Variants in R3HDM2 observed in about 807,000 individuals in gnomAD.
R3HDM2 encodes R3H domain-containing protein 2.
R3HDM2 carries 38 observed loss-of-function variants against 124.5 expected under a neutral mutation model. The observed-to-expected ratio is 0.31, with a 90% CI of 0.24 to 0.40. The LOEUF is 0.40. R3HDM2 is among the 10% of genes least tolerant of loss of function. The probability of loss-of-function intolerance (pLI) is 1.00; values close to 1 mark genes in which losing one functional copy is unlikely to be tolerated. For synonymous variants in R3HDM2, 391 were observed against 448.0 expected (o/e 0.87, Z 1.61); for missense variants, 869 against 1,236.9 (o/e 0.70, Z 4.46).
chr12:57,369,033 A>AT (rs2063002383), intron 2 of R3HDM2, among the ~76,000 whole-genome samples: 1 of 152,196 alleles, frequency 6.6e-6, no homozygotes, highest in African/African-American at 2.4e-5. Flanking sequence ...TAATTCTAAT[A>AT]TAGAAGGATT....
intron 19 of R3HDM2, among the ~76,000 whole-genome samples, chr12:57,260,568 G>A (rs1196901387): frequency 2.0e-5 from 3 of 152,114 alleles, no homozygotes; most frequent in African/African-American, 7.2e-5. Context: ...TGGGAGGGAT[G>A]GGCTGGAGCT....
intron 2 of R3HDM2, among the ~76,000 whole-genome samples, chr12:57,394,310 G>T (rs893111498): frequency 6.6e-6 from 1 of 150,932 alleles, no homozygotes; most frequent in Non-Finnish European, 1.5e-5. Flanking sequence ...AAAAAAAAAA[G>T]AAAAGAAATG....
chr12:57,256,552 T>A, intron 21 of R3HDM2, 41 bp from the exon 22 acceptor site: 1 of 1,429,882 alleles, frequency 7.0e-7, no homozygotes, highest in Non-Finnish European at 9.5e-7. Context: ...AGCTTAAGCT[T>A]CATAGTATGA....
chr12:57,429,640 G>C (rs1869152750), intron 1 of R3HDM2, among the ~76,000 whole-genome samples: 1 of 151,984 alleles, frequency 6.6e-6, no homozygotes, highest in East Asian at 1.9e-4. Context: ...TTGAGGCCAG[G>C]AGGCAGAGGT....
intron 1 of R3HDM2, among the ~76,000 whole-genome samples, chr12:57,416,876 C>A (rs2069669339): frequency 6.6e-6 from 1 of 150,844 alleles, no homozygotes; most frequent in South Asian, 2.1e-4. Context: ...CTTTGGGAGG[C>A]CAAGGAGGGC....
At chr12:57,368,355 A>G (rs537908312) in intron 2 of R3HDM2, among the ~76,000 whole-genome samples, 1 of 152,302 alleles carries the variant, frequency 6.6e-6, no homozygotes, top group South Asian at 2.1e-4. Context: ...AAAGAATTTA[A>G]CCTTGCCCAA....
chr12:57,393,103 A>ATTTTT (rs1307066758), intron 2 of R3HDM2, among the ~76,000 whole-genome samples: 1 of 117,686 alleles, frequency 8.5e-6, no homozygotes, highest in Non-Finnish European at 1.8e-5. Flanking sequence ...TGCGCCAGGC[A>ATTTTT]TTTTTTTTTT....
intron 1 of R3HDM2, among the ~76,000 whole-genome samples, chr12:57,408,506 G>A (rs2068728011): frequency 1.3e-5 from 2 of 152,144 alleles, no homozygotes; most frequent in Admixed American, 6.5e-5. Context: ...CAAGACAGGC[G>A]GATTGCTTAA....
intron 2 of R3HDM2, among the ~76,000 whole-genome samples, chr12:57,386,210 G>C (rs1313593789): frequency 6.6e-6 from 1 of 152,174 alleles, no homozygotes; most frequent in African/African-American, 2.4e-5. Context: ...CCACTTTGGC[G>C]GCACTTGAGG....
At chr12:57,407,565 C>T (rs990899364) in intron 1 of R3HDM2, among the ~76,000 whole-genome samples, 1 of 151,284 alleles carries the variant, frequency 6.6e-6, no homozygotes, top group Non-Finnish European at 1.5e-5. Flanking sequence ...GCCACCGTGC[C>T]CAGCTAATTT....
intron 2 of R3HDM2, among the ~76,000 whole-genome samples, chr12:57,335,492 CT>C (rs34808381): frequency 0.5 from 55,654 of 111,698 alleles, 13,969 homozygotes; most frequent in Middle Eastern, 0.8. Context: ...GCCCGGCCAC[CT>C]TTTTTTTTTT....
At chr12:57,325,140 T>C (rs2057116855) in intron 2 of R3HDM2, among the ~76,000 whole-genome samples, 1 of 152,202 alleles carries the variant, frequency 6.6e-6, no homozygotes, top group Non-Finnish European at 1.5e-5. Context: ...CCACCCAGCA[T>C]GTGCTCTTTT....
intron 1 of R3HDM2, among the ~76,000 whole-genome samples, chr12:57,428,710 G>A (rs951322566): frequency 2.6e-5 from 4 of 151,494 alleles, no homozygotes; most frequent in Non-Finnish European, 4.4e-5. Context: ...GCCATCTCCT[G>A]TCTTAATTTT....
intron 1 of R3HDM2, among the ~76,000 whole-genome samples, chr12:57,400,743 C>T (rs2067973650): frequency 6.6e-6 from 1 of 152,116 alleles, no homozygotes; most frequent in African/African-American, 2.4e-5. Context: ...ATTAGTAACT[C>T]TCTATAACTA....
intron 1 of R3HDM2, among the ~76,000 whole-genome samples, chr12:57,420,211 G>A (rs927724599): frequency 2.6e-5 from 4 of 152,066 alleles, no homozygotes; most frequent in African/African-American, 9.7e-5. Flanking sequence ...ATATAAATAT[G>A]CTCGAGTTTG....
intron 19 of R3HDM2, among the ~76,000 whole-genome samples, chr12:57,265,097 A>C (rs1444978248): frequency 6.6e-6 from 1 of 152,190 alleles, no homozygotes; most frequent in East Asian, 1.9e-4. Context: ...GCCTCTCCAA[A>C]GAGGGCCCTT....
At chr12:57,328,872 T>C (rs1250048879) in intron 2 of R3HDM2, among the ~76,000 whole-genome samples, 1 of 152,190 alleles carries the variant, frequency 6.6e-6, no homozygotes, top group Non-Finnish European at 1.5e-5. Context: ...ATAACTTTTA[T>C]ATGCACTGAG....
chr12:57,279,839 A>AT (rs1472309221), intron 14 of R3HDM2, among the ~76,000 whole-genome samples: 1 of 152,054 alleles, frequency 6.6e-6, no homozygotes, highest in African/African-American at 2.4e-5. Context: ...AGCCCTTTTG[A>AT]GTCATGGAAA....
rs1274893542 is a variant in R3HDM2, at chr12:57,283,817, G to A, written c.1171+7C>T. ...GGTATGACATGGAAGAAAAGAAGCT[G>A]TAATACCTGGCCTGGAGATCCTTCC... On this transcript the variant is annotated splice_region_variant and intron_variant, in intron 13 of 23. Coordinates refer to ENST00000402412, the MANE Select transcript of R3HDM2 (RefSeq NM_001394031.1). 6.2e-7 allele frequency: 1 copy of A among 1,613,084 alleles called. No individual in the cohort carries two copies. The highest frequency in any genetic ancestry group is 1.7e-5 in the Admixed American group (1 of 59,984).
Sources: gnomAD v4.1 joint callset for allele counts (sites outside exome capture counted in the v4.1 genomes callset) on GRCh38, gnomAD v4.1.1 for gene constraint, MANE v1.5 for transcripts, NCBI Gene and HGNC (gene_info 2026-07-23, HGNC 2026-07-21) for gene names.